Variants in MGAT4C observed in about 807,000 individuals in gnomAD.
The protein encoded by MGAT4C is MGAT4 family member C, also known as alpha-1,3-mannosyl-glycoprotein 4-beta-N-acetylglucosaminyltransferase C.
A neutral mutation model predicts 40.1 loss-of-function variants in MGAT4C; 19 were observed. That is an observed-to-expected ratio of 0.47 (90% CI 0.33 to 0.70). The LOEUF is 0.70. Ranked by LOEUF, MGAT4C falls within the 30% of genes least tolerant of loss-of-function variation. MGAT4C has a pLI of 0.02. For synonymous variants in MGAT4C, 181 were observed against 187.1 expected (o/e 0.97, Z 0.27); for missense variants, 491 against 563.2 (o/e 0.87, Z 1.30).
chr12:86,352,854 C>G (rs1412149131), intron 3 of MGAT4C, among the ~76,000 whole-genome samples: 1 of 145,882 alleles, frequency 6.9e-6, no homozygotes. Context: ...ACATCACACT[C>G]CGGGGTCTGT....
intron 1 of MGAT4C, among the ~76,000 whole-genome samples, chr12:86,813,146 A>G (rs1301557538): frequency 6.6e-6 from 1 of 151,966 alleles, no homozygotes; most frequent in Non-Finnish European, 1.5e-5. Context: ...TAGAGTTTAT[A>G]GTTGTGCTTA....
At chr12:86,674,149 T>C (rs1453209360) in intron 2 of MGAT4C, among the ~76,000 whole-genome samples, 1 of 152,122 alleles carries the variant, frequency 6.6e-6, no homozygotes, top group Admixed American at 6.6e-5. Context: ...TATAAAATGC[T>C]AAATATACAA....
At chr12:86,356,247 G>A (rs1955307041) in intron 3 of MGAT4C, among the ~76,000 whole-genome samples, 1 of 151,914 alleles carries the variant, frequency 6.6e-6, no homozygotes, top group Admixed American at 6.6e-5. Context: ...ACTACCAACG[G>A]CAACAAAAAG....
chr12:86,794,620 A>G (rs1333723047), intron 1 of MGAT4C, among the ~76,000 whole-genome samples: 1 of 151,900 alleles, frequency 6.6e-6, no homozygotes, highest in Non-Finnish European at 1.5e-5. Flanking sequence ...AGCAGCACAA[A>G]GAGGAATAAT....
chr12:86,767,828 A>G (rs1951543490), intron 1 of MGAT4C, among the ~76,000 whole-genome samples: 1 of 152,218 alleles, frequency 6.6e-6, no homozygotes. Flanking sequence ...CCTTCATGCT[A>G]AAAACTCTCA....
rs151234108 is a variant in MGAT4C at position 85,972,613 on chromosome 12, G to A, written c.*6676C>T. On this transcript the variant is annotated 3_prime_UTR_variant, in exon 5 of 5. Transcript: ENST00000611864. ...ATAACTCCTGACAACTACTGATATCGTCACATGGTCCTTTAGTGACCAAAA... is the reference window on the plus strand; with the variant it reads ...ATAACTCCTGACAACTACTGATATCATCACATGGTCCTTTAGTGACCAAAA... The A allele has an allele frequency of 1.7e-4, 26 of 150,986 alleles. No individual in the cohort carries two copies. The East Asian group carries it at 4.6e-3, about 27-fold the overall frequency. 9.4% of individuals were successfully genotyped at this position (150,986 alleles called of 1,614,324 possible).
intron 1 of MGAT4C, among the ~76,000 whole-genome samples, chr12:86,118,845 ATATAAT>A (rs1878879242): frequency 6.6e-6 from 1 of 152,200 alleles, no homozygotes; most frequent in Non-Finnish European, 1.5e-5. Flanking sequence ...CCAGAAAGCA[ATATAAT>A]TATGTTATAT....
In MGAT4C at chr12:86,756,233, A is replaced by C. The variant is rs78764254; in HGVS notation, c.-261-28992T>G. Among the ~76,000 whole-genome samples, 1,272 of 152,114 alleles carry C rather than the reference A, an allele frequency of 8.4e-3. 16 individuals are homozygous for C. Among genetic ancestry groups the C allele is most frequent in the African/African-American group, 0.029 (1,217 of 41,494 alleles). ...TAGCCACCTTTTTTCTGTGTGTTCA[A>C]AAGGTTTTTCCTTGGTGAGTTCATA... On this transcript the variant is annotated intron_variant, in intron 1 of 7. Transcript: ENST00000548651.
intron 4 of MGAT4C, among the ~76,000 whole-genome samples, chr12:86,309,898 G>C (rs184448461): frequency 1.8e-4 from 28 of 152,184 alleles, no homozygotes; most frequent in Admixed American, 1.7e-3. Flanking sequence ...CTCTTGCACA[G>C]TGTGCACTAA....
Position 86,637,572 on chromosome 12 carries a change from T to A in MGAT4C, c.-229+89637A>T, listed in dbSNP as rs528028125. On this transcript the variant is annotated intron_variant, in intron 2 of 7. Transcript: ENST00000548651. ...TCTGAAGTAAAAACTGTTCCAGTGC[T>A]TCTCTTTGACTTAGGAGGATATTCT... 2.6e-5 allele frequency among the ~76,000 whole-genome samples: 4 copies of A among 152,092 alleles called. No homozygotes were observed. The South Asian group carries it at 8.3e-4, about 32-fold the overall frequency.
intron 1 of MGAT4C, among the ~76,000 whole-genome samples, chr12:86,783,940 A>G (rs1301612547): frequency 6.6e-6 from 1 of 152,156 alleles, no homozygotes; most frequent in Admixed American, 6.5e-5. Flanking sequence ...AAAAATTCAC[A>G]TGCCCTAAAA....
intron 1 of MGAT4C, among the ~76,000 whole-genome samples, chr12:86,830,950 C>G (rs1330470196): frequency 6.6e-6 from 1 of 151,684 alleles, no homozygotes; most frequent in South Asian, 2.1e-4. Flanking sequence ...AAAATAAAAA[C>G]AAGACATGAA....
intron 1 of MGAT4C, among the ~76,000 whole-genome samples, chr12:86,815,161 C>T (rs1367659766): frequency 2.6e-5 from 4 of 152,052 alleles, no homozygotes; most frequent in Admixed American, 6.6e-5. Context: ...AAGAGAAAAA[C>T]AATCCCATCA....
intron 2 of MGAT4C, among the ~76,000 whole-genome samples, chr12:86,469,959 C>T (rs894336206): frequency 1.3e-5 from 2 of 152,078 alleles, no homozygotes; most frequent in South Asian, 2.1e-4. Context: ...TTTCACTTAG[C>T]ATAATATCCT....
chr12:86,736,997 G>C (rs1173912884), intron 1 of MGAT4C, among the ~76,000 whole-genome samples: 6 of 143,126 alleles, frequency 4.2e-5, no homozygotes, highest in Non-Finnish European at 7.6e-5. Context: ...TCAACATCAA[G>C]CTAACTTGCA....
At chr12:86,077,772 G>T (rs1439180040) in intron 1 of MGAT4C, among the ~76,000 whole-genome samples, 1 of 152,126 alleles carries the variant, frequency 6.6e-6, no homozygotes, top group Non-Finnish European at 1.5e-5. Context: ...AATAATATGA[G>T]ATTCCCTAAT....
intron 1 of MGAT4C, among the ~76,000 whole-genome samples, chr12:86,759,282 C>A (rs1015706209): frequency 1.3e-5 from 2 of 151,982 alleles, no homozygotes; most frequent in Admixed American, 1.3e-4. Flanking sequence ...TTTATCCACT[C>A]ATTTGTGGAG....
rs1004949645 is a variant in MGAT4C at position 86,364,606 on chromosome 12, C to T, written c.-119-30479G>A. Among the ~76,000 whole-genome samples, 8 of 152,160 alleles carry T rather than the reference C, an allele frequency of 5.3e-5. No individual in the cohort carries two copies. The South Asian group carries it at 8.3e-4, about 16-fold the overall frequency. On this transcript the variant is annotated intron_variant, in intron 3 of 7. Transcript: ENST00000548651. The stretch of plus-strand genomic sequence containing the variant: ...CCAGATATTGGGCAAAATTCACCCC[C>T]GATATTTCACGTAGGTTCTTTTCTA...
At chr12:86,456,024 A>G (rs185679197) in intron 2 of MGAT4C, among the ~76,000 whole-genome samples, 2 of 152,282 alleles carry the variant, frequency 1.3e-5, no homozygotes, top group Admixed American at 1.3e-4. Context: ...TGTAAGAAAA[A>G]TATGCTTAAA....
Sources: gnomAD v4.1 joint callset for allele counts (sites outside exome capture counted in the v4.1 genomes callset) on GRCh38, gnomAD v4.1.1 for gene constraint, MANE v1.5 for transcripts, NCBI Gene and HGNC (gene_info 2026-07-23, HGNC 2026-07-21) for gene names.